SLC16A7: variants seen among roughly 807,000 people sequenced by gnomAD.
SLC16A7 encodes the protein solute carrier family 16 member 7, also known as monocarboxylate transporter 2.
A neutral mutation model predicts 34.9 loss-of-function variants in SLC16A7; 33 were observed. That is an observed-to-expected ratio of 0.94 (90% CI 0.72 to 1.26). SLC16A7 has a LOEUF of 1.26. Among genes scored for constraint, SLC16A7 ranks in the 50% most tolerant of loss-of-function variants. SLC16A7 has a pLI of 0.00. For synonymous variants in SLC16A7, 201 were observed against 206.6 expected (o/e 0.97, Z 0.23); for missense variants, 573 against 578.1 (o/e 0.99, Z 0.09).
chr12:59,767,651 C>T (rs1431287035), intron 3 of SLC16A7, among the ~76,000 whole-genome samples: 1 of 152,030 alleles, frequency 6.6e-6, no homozygotes, highest in Non-Finnish European at 1.5e-5. Context: ...CTGTTGAGAC[C>T]TGCTGCTAAG....
intron 2 of SLC16A7, among the ~76,000 whole-genome samples, chr12:59,684,618 G>A (rs142260752): frequency 4.6e-5 from 7 of 152,240 alleles, no homozygotes; most frequent in African/African-American, 1.4e-4. Context: ...ACTTTTCCAC[G>A]CTGCAGCAAA....
chr12:59,631,253 G>A (rs546901590), intron 1 of SLC16A7, among the ~76,000 whole-genome samples: 15 of 151,994 alleles, frequency 9.9e-5, no homozygotes, highest in African/African-American at 3.1e-4. Context: ...ATAGGCCTTT[G>A]GGAAGAAAAT....
intron 1 of SLC16A7, among the ~76,000 whole-genome samples, chr12:59,624,492 A>G (rs1033947618): frequency 2.0e-5 from 3 of 151,700 alleles, no homozygotes; most frequent in African/African-American, 7.3e-5. Flanking sequence ...TGTGGGAATT[A>G]TTTGAAACTT....
intron 3 of SLC16A7, among the ~76,000 whole-genome samples, chr12:59,766,615 T>C (rs1356966222): frequency 6.6e-6 from 1 of 152,200 alleles, no homozygotes; most frequent in Non-Finnish European, 1.5e-5. Flanking sequence ...TTGGTTCTGT[T>C]TATATGCTGG....
intron 2 of SLC16A7, among the ~76,000 whole-genome samples, chr12:59,669,490 C>G (rs1408372955): frequency 6.6e-6 from 1 of 152,164 alleles, no homozygotes; most frequent in African/African-American, 2.4e-5. Flanking sequence ...GTCTAATTCA[C>G]TGTGGCCATT....
Position 59,725,713 on chromosome 12 carries a change from A to C in SLC16A7, c.217+20695A>C, listed in dbSNP as rs537497463. On this transcript the variant is annotated intron_variant, in intron 3 of 5. Coordinates refer to ENST00000547379, the MANE Select transcript of SLC16A7 (RefSeq NM_001270623.2). ...ATGCTTTTACTTTTCAATATGTTTG[A>C]GCCTTTCAAAAAATATGAAGTTATT... Among the ~76,000 whole-genome samples the C allele has an allele frequency of 4.6e-5, 7 of 152,228 alleles. No homozygotes were observed. The East Asian group carries it at 1.4e-3, about 29-fold the overall frequency.
chr12:59,739,988 G>A (rs1380747238), intron 3 of SLC16A7, among the ~76,000 whole-genome samples: 1 of 151,854 alleles, frequency 6.6e-6, no homozygotes, highest in Non-Finnish European at 1.5e-5. Flanking sequence ...CTCCCATTTT[G>A]TAGGTTGCCT....
At chr12:59,639,427 C>T (rs1279364737) in intron 1 of SLC16A7, among the ~76,000 whole-genome samples, 2 of 152,058 alleles carry the variant, frequency 1.3e-5, no homozygotes, top group Admixed American at 1.3e-4. Flanking sequence ...CTCGGTTGCC[C>T]AGGTTAGAGT....
intron 2 of SLC16A7, among the ~76,000 whole-genome samples, chr12:59,701,979 G>A (rs1282451098): frequency 2.0e-5 from 3 of 151,728 alleles, no homozygotes; most frequent in African/African-American, 4.8e-5. Flanking sequence ...GCAGAGTGAG[G>A]ACTTTAAGCC....
At chr12:59,695,987 A>G (rs995253646) in intron 2 of SLC16A7, among the ~76,000 whole-genome samples, 11 of 151,908 alleles carry the variant, frequency 7.2e-5, no homozygotes, top group Admixed American at 6.6e-5. Context: ...CAGTATTTCT[A>G]ATACTTATAT....
intron 1 of SLC16A7, among the ~76,000 whole-genome samples, chr12:59,640,392 T>A (rs1344437725): frequency 6.6e-6 from 1 of 152,002 alleles, no homozygotes; most frequent in East Asian, 1.9e-4. Context: ...GTTTTATAAT[T>A]TGAAATTAAA....
intron 2 of SLC16A7, among the ~76,000 whole-genome samples, chr12:59,672,791 C>A (rs538914559): frequency 2.0e-4 from 30 of 152,130 alleles, no homozygotes; most frequent in Non-Finnish European, 3.8e-4. Flanking sequence ...TTCTGTATTA[C>A]CTATTGCAGT....
intron 1 of SLC16A7, among the ~76,000 whole-genome samples, chr12:59,601,245 T>C (rs917152847): frequency 5.3e-5 from 8 of 152,340 alleles, no homozygotes; most frequent in Admixed American, 2.0e-4. Flanking sequence ...CAGATTTCTA[T>C]TGAAGCTAAT....
intron 1 of SLC16A7, among the ~76,000 whole-genome samples, chr12:59,641,727 G>A (rs558221645): frequency 1.2e-3 from 177 of 152,026 alleles, no homozygotes; most frequent in East Asian, 1.2e-3. Context: ...TACATTTTCC[G>A]TTAGTGAAAG....
chr12:59,713,897 G>A (rs1339333112), intron 3 of SLC16A7, among the ~76,000 whole-genome samples: 2 of 152,186 alleles, frequency 1.3e-5, no homozygotes, highest in Non-Finnish European at 2.9e-5. Flanking sequence ...AAAAACCACA[G>A]CGAGCCAACA....
rs571445850 is a variant in SLC16A7, at chr12:59,780,333, A to T, written c.*654A>T. 5.3e-5 allele frequency: 8 copies of T among 152,214 alleles called. No homozygotes were observed. Among genetic ancestry groups the T allele is most frequent in the African/African-American group, 1.4e-4 (6 of 41,572 alleles). 9.4% of individuals were successfully genotyped at this position (152,214 alleles called of 1,614,324 possible). On this transcript the variant is annotated 3_prime_UTR_variant, in exon 6 of 6. Coordinates refer to ENST00000547379, the MANE Select transcript of SLC16A7 (RefSeq NM_001270623.2). ...ATGGGTAAAAATGAGGGTGATCCTT[A>T]TTCAAAAATAACATCTGACTACTAT... is the stretch of plus-strand genomic sequence containing the variant.
chr12:59,704,814 C>G lies in SLC16A7; in HGVS notation c.13C>G (p.Pro5Ala). The G allele has an allele frequency of 6.2e-7, 1 of 1,612,810 alleles. No homozygotes were observed. Among genetic ancestry groups the G allele is most frequent in the Non-Finnish European group, 8.5e-7 (1 of 1,179,180 alleles). Residue 5 changes from proline (P) to alanine (A), a missense_variant, in exon 3 of 6, where the codon CCA becomes GCA. By Grantham distance (27) the Pro-to-Ala change is conservative. Coordinates refer to ENST00000547379, the MANE Select transcript of SLC16A7 (RefSeq NM_001270623.2). Reference protein sequence around the residue: MPPMPSAPPVHPPPD... With the variant: MPPMASAPPVHPPPD... ...TAGAGGAGCAGAAATGCCACCAATG[C>G]CAAGTGCCCCACCTGTGCATCCACC... is the stretch of plus-strand genomic sequence containing the variant.
intron 1 of SLC16A7, among the ~76,000 whole-genome samples, chr12:59,644,441 C>T (rs1880822362): frequency 6.6e-6 from 1 of 152,062 alleles, no homozygotes; most frequent in South Asian, 2.1e-4. Context: ...TTGGCGCATG[C>T]CTGTAATCCC....
chr12:59,691,521 G>A (rs1367640415), intron 2 of SLC16A7, among the ~76,000 whole-genome samples: 2 of 151,944 alleles, frequency 1.3e-5, no homozygotes, highest in Non-Finnish European at 1.5e-5. Flanking sequence ...GGGGAAGAGG[G>A]GCTGGGCTGA....
Sources: gnomAD v4.1 joint callset for allele counts (sites outside exome capture counted in the v4.1 genomes callset) on GRCh38, gnomAD v4.1.1 for gene constraint, MANE v1.5 for transcripts, NCBI Gene and HGNC (gene_info 2026-07-23, HGNC 2026-07-21) for gene names.